Variants in RFFL observed in about 807,000 individuals in gnomAD.
RFFL encodes the protein E3 ubiquitin-protein ligase rififylin.
In RFFL, 16 loss-of-function variants were observed where a neutral mutation model predicts 40.4. The observed-to-expected ratio is 0.40, with a 90% CI of 0.27 to 0.60. The LOEUF (loss-of-function observed/expected upper bound fraction) is 0.60. Ranked by LOEUF, RFFL falls within the 20% of genes least tolerant of loss-of-function variation. The probability of loss-of-function intolerance (pLI) is 0.47; values close to 1 mark genes in which losing one functional copy is unlikely to be tolerated. For synonymous variants in RFFL, 154 were observed against 167.9 expected, an observed-to-expected ratio of 0.92 and a Z score of 0.64; for missense variants, 367 against 451.7, an observed-to-expected ratio of 0.81 and a Z score of 1.70.
chr17:35,014,813 A>C, intron 5 of RFFL, 50 bp from the exon 6 acceptor site: 1 of 1,573,908 alleles, frequency 6.4e-7, no homozygotes, highest in Non-Finnish European at 8.7e-7. Flanking sequence ...TGATGGTACA[A>C]ATACAGTCTC....
chr17:35,036,651 T>C (rs926148847), intron 1 of RFFL: 2 of 152,238 alleles, frequency 1.3e-5, no homozygotes, highest in African/African-American at 4.8e-5. Context: ...TTGATAAGTA[T>C]GCTAGTATTT....
At chr17:35,015,559 A>C (rs2090968265) in intron 5 of RFFL, among the ~76,000 whole-genome samples, 1 of 152,202 alleles carries the variant, frequency 6.6e-6, no homozygotes, top group South Asian at 2.1e-4. Flanking sequence ...AGAGTCAGTC[A>C]GATGACCCCT....
intron 5 of RFFL, 137 bp downstream of exon 5, chr17:35,016,233 T>C (rs2090972179): frequency 2.7e-6 from 2 of 737,280 alleles, no homozygotes; most frequent in Non-Finnish European, 4.6e-6. Flanking sequence ...ACAGCTATTA[T>C]TAGACGGTGC....
rs1239326596 is a variant in RFFL, at chr17:35,006,036, A to G, written c.*5932T>C. ...TAATTTCTTAAAGAAAATATACTCCATATCTGCAGGGAAAAAAATAAAAAT... is the reference window on the plus strand; with the variant it reads ...TAATTTCTTAAAGAAAATATACTCCGTATCTGCAGGGAAAAAAATAAAAAT... On this transcript the variant is annotated 3_prime_UTR_variant, in exon 7 of 7. Transcript: ENST00000394597. 4 of 243,332 alleles carry G rather than the reference A, an allele frequency of 1.6e-5. No homozygotes were observed. The highest frequency in any genetic ancestry group is 2.4e-5 in the Non-Finnish European group (3 of 124,114). 15.1% of individuals were successfully genotyped at this position (243,332 alleles called of 1,614,324 possible).
intron 1 of RFFL, among the ~76,000 whole-genome samples, chr17:35,040,187 G>A (rs141732670): frequency 4.0e-3 from 604 of 152,196 alleles, no homozygotes; most frequent in Non-Finnish European, 6.7e-3. Flanking sequence ...CTCTGCCCCC[G>A]TGGCTTTCCT....
At chr17:35,036,726 C>T (rs2142339739) in intron 1 of RFFL, among the ~76,000 whole-genome samples, 1 of 152,278 alleles carries the variant, frequency 6.6e-6, no homozygotes, top group East Asian at 1.9e-4. Flanking sequence ...AGATAAATTA[C>T]CTATTCCAGG....
At chr17:35,068,588 T>C (rs2091332276), upstream of RFFL, among the ~76,000 whole-genome samples, 1 of 152,248 alleles carries the variant, frequency 6.6e-6, no homozygotes, top group South Asian at 2.1e-4. Context: ...ATCTATTCTA[T>C]AATGCAATTG....
At chr17:35,057,445 G>A (rs2091267724) in intron 1 of RFFL, among the ~76,000 whole-genome samples, 1 of 151,424 alleles carries the variant, frequency 6.6e-6, no homozygotes, top group Non-Finnish European at 1.5e-5. Context: ...ATTCTCCCTA[G>A]CTCTTTTCAC....
chr17:35,048,401 CA>C (rs2091212997), intron 1 of RFFL, among the ~76,000 whole-genome samples: 1 of 151,632 alleles, frequency 6.6e-6, no homozygotes, highest in Non-Finnish European at 1.5e-5. Context: ...GACTCCATCT[CA>C]AAAAATTAAT....
At chr17:35,039,412 G>A (rs990051745) in intron 1 of RFFL, among the ~76,000 whole-genome samples, 17 of 151,092 alleles carry the variant, frequency 1.1e-4, no homozygotes, top group African/African-American at 2.7e-4. Context: ...TAGAGACGGC[G>A]TTTCACCATG....
At chr17:35,034,279 T>C (rs2142336859) in intron 1 of RFFL, among the ~76,000 whole-genome samples, 1 of 152,124 alleles carries the variant, frequency 6.6e-6, no homozygotes, top group African/African-American at 2.4e-5. Context: ...TAGTGAGCTA[T>C]GATCATGCCA....
intron 1 of RFFL, among the ~76,000 whole-genome samples, chr17:35,041,147 GC>G (rs1044139127): frequency 1.3e-5 from 2 of 151,996 alleles, no homozygotes; most frequent in African/African-American, 4.8e-5. Context: ...CCCCATGAGG[GC>G]AGGGACTTTG....
chr17:35,024,109 T>G (rs1295276266), intron 2 of RFFL, among the ~76,000 whole-genome samples: 1 of 152,174 alleles, frequency 6.6e-6, no homozygotes, highest in Non-Finnish European at 1.5e-5. Context: ...CAGGGTGTAC[T>G]GAGATATCCA....
At chr17:35,054,996 C>A (rs914128164) in intron 1 of RFFL, among the ~76,000 whole-genome samples, 1 of 151,582 alleles carries the variant, frequency 6.6e-6, no homozygotes, top group Non-Finnish European at 1.5e-5. Flanking sequence ...TGGCTCACTG[C>A]AAGCTCCACC....
intron 1 of RFFL, among the ~76,000 whole-genome samples, chr17:35,052,112 T>C (rs2091235066): frequency 6.6e-6 from 1 of 152,186 alleles, no homozygotes; most frequent in Non-Finnish European, 1.5e-5. Flanking sequence ...GATTCAATAT[T>C]AACGGTTAGC....
chr17:35,075,195 G>GCT (rs2091369848), intron 1 of RFFL, among the ~76,000 whole-genome samples: 1 of 152,180 alleles, frequency 6.6e-6, no homozygotes, highest in Non-Finnish European at 1.5e-5. Context: ...CTACCCTGCT[G>GCT]AACAGTCATC....
chr17:35,073,526 T>C (rs2091361387), intron 1 of RFFL, among the ~76,000 whole-genome samples: 1 of 152,338 alleles, frequency 6.6e-6, no homozygotes, highest in African/African-American at 2.4e-5. Flanking sequence ...GTTTCTTCTA[T>C]GATTCTCTGG....
At position 35,049,865 on chromosome 17, in the gene RFFL, T is replaced by A. The variant is rs139242917; in HGVS notation, c.-9+13711A>T. The stretch of plus-strand genomic sequence containing the variant: ...GGGAGGCCGAGGTGGACTGATCACC[T>A]GAGGTCAGGAGTTTGAGACCAGCCT... On this transcript the variant is annotated intron_variant, in intron 1 of 6. Transcript: ENST00000394597. Among the ~76,000 whole-genome samples the A allele has an allele frequency of 6.3e-3, 963 of 152,260 alleles. 11 individuals carry two copies. The highest frequency in any genetic ancestry group is 0.022 in the African/African-American group (903 of 41,560).
intron 6 of RFFL, 136 bp downstream of exon 6, chr17:35,014,604 C>G (rs1036794261): frequency 5.0e-6 from 4 of 805,712 alleles, no homozygotes; most frequent in Non-Finnish European, 8.6e-6. Context: ...CCCCCTGGGT[C>G]TCAGTGAGTT....
Sources: allele counts gnomAD v4.1 joint callset (sites outside exome capture counted in the v4.1 genomes callset), GRCh38; gene constraint gnomAD v4.1.1; transcripts MANE v1.5; gene names NCBI Gene and HGNC (gene_info 2026-07-23, HGNC 2026-07-21).